The following SV2C variants were observed in gnomAD, a reference collection of about 807,000 sequenced individuals.
The protein encoded by SV2C is synaptic vesicle glycoprotein 2C.
A neutral mutation model predicts 79.7 loss-of-function variants in SV2C; 49 were observed. The observed-to-expected ratio is 0.61, with a 90% CI of 0.49 to 0.78. SV2C has a LOEUF of 0.78. Ranked by LOEUF, SV2C falls within the 30% of genes least tolerant of loss-of-function variation. The probability of loss-of-function intolerance (pLI) is 0.00; values close to 1 mark genes in which losing one functional copy is unlikely to be tolerated. For missense variants in SV2C, 833 were observed against 912.9 expected (o/e 0.91, Z 1.13); for synonymous variants, 334 against 333.2 (o/e 1.00, Z -0.03).
chr5:75,925,009 GTTAT>G, the SV2C span, among the ~76,000 whole-genome samples: 2 of 152,066 alleles, frequency 1.3e-5, no homozygotes, highest in Non-Finnish European at 2.9e-5. Flanking sequence ...AAAAGTTATG[GTTAT>G]TTAATATGAG....
exon 13 of SV2C, chr5:76,353,704 T>C (rs1195595096): frequency 1.3e-5 from 2 of 152,244 alleles, no homozygotes; most frequent in Non-Finnish European, 2.9e-5. Flanking sequence ...GCCCCTCCTC[T>C]GAAATGCTCT....
chr5:76,100,202 A>G (rs1186447720), intron 1 of SV2C, among the ~76,000 whole-genome samples: 1 of 152,188 alleles, frequency 6.6e-6, no homozygotes, highest in African/African-American at 2.4e-5. Flanking sequence ...CAGTTTGGCG[A>G]CTTATTTGCT....
intron 4 of SV2C, among the ~76,000 whole-genome samples, chr5:76,243,130 A>G (rs1266804549): frequency 9.9e-5 from 15 of 151,288 alleles, no homozygotes; most frequent in Admixed American, 9.9e-4. Context: ...CCATGTAAAG[A>G]GGTTGGTGAG....
At chr5:76,306,080 A>G (rs1401295502) in intron 12 of SV2C, among the ~76,000 whole-genome samples, 2 of 152,100 alleles carry the variant, frequency 1.3e-5, no homozygotes, top group South Asian at 4.1e-4. Context: ...CAGAGCTACA[A>G]TCTGTAACCA....
chr5:76,036,115 T>C, the SV2C span, among the ~76,000 whole-genome samples: 354 of 151,818 alleles, frequency 2.3e-3, 3 homozygotes, highest in African/African-American at 8.2e-3. Flanking sequence ...TCCTCCATCC[T>C]TTTATTTTGA....
At chr5:76,143,449 C>A (rs1749324491) in intron 2 of SV2C, among the ~76,000 whole-genome samples, 1 of 152,154 alleles carries the variant, frequency 6.6e-6, no homozygotes, top group South Asian at 2.1e-4. Context: ...CAGGTCTGTG[C>A]TGTGTGACAC....
At chr5:76,307,423 C>T (rs1748233771) in intron 12 of SV2C, among the ~76,000 whole-genome samples, 1 of 152,086 alleles carries the variant, frequency 6.6e-6, no homozygotes, top group Non-Finnish European at 1.5e-5. Flanking sequence ...TTATTATGCT[C>T]ATTTGGGTTG....
At chr5:76,312,306 G>A (rs1748472440) in intron 12 of SV2C, among the ~76,000 whole-genome samples, 3 of 151,840 alleles carry the variant, frequency 2.0e-5, no homozygotes, top group Admixed American at 1.3e-4. Flanking sequence ...AGGCTGGAGT[G>A]CAGTGACGCA....
intron 4 of SV2C, chr5:76,242,341 C>G: frequency 7.1e-7 from 1 of 1,411,536 alleles, no homozygotes; most frequent in East Asian, 2.5e-5. Context: ...GGACGCGGGA[C>G]GCAGCGGCGC....
At chr5:76,197,819 T>C (rs1443887523) in intron 3 of SV2C, among the ~76,000 whole-genome samples, 2 of 152,006 alleles carry the variant, frequency 1.3e-5, no homozygotes, top group Non-Finnish European at 2.9e-5. Flanking sequence ...AAGCTGGAAA[T>C]GCTGGGATGC....
At chr5:76,341,113 T>C (rs1329787594) in intron 12 of SV2C, among the ~76,000 whole-genome samples, 3 of 152,062 alleles carry the variant, frequency 2.0e-5, no homozygotes, top group Non-Finnish European at 4.4e-5. Context: ...ATATTTTTAG[T>C]ACAGACGGGT....
At chr5:76,127,948 C>T (rs758985000) in intron 1 of SV2C, among the ~76,000 whole-genome samples, 1 of 152,186 alleles carries the variant, frequency 6.6e-6, no homozygotes, top group Non-Finnish European at 1.5e-5. Flanking sequence ...CTCCCTTACT[C>T]TTTAATAAAT....
chr5:76,131,026 G>A (rs1748871732), intron 1 of SV2C, among the ~76,000 whole-genome samples: 1 of 152,168 alleles, frequency 6.6e-6, no homozygotes, highest in Admixed American at 6.5e-5. Flanking sequence ...CAATCCTGTG[G>A]ATATGACACT....
chr5:76,112,475 C>T (rs1329538901), intron 1 of SV2C, among the ~76,000 whole-genome samples: 1 of 152,098 alleles, frequency 6.6e-6, no homozygotes, highest in Non-Finnish European at 1.5e-5. Flanking sequence ...AGGAGGCAGG[C>T]GAGGCCTTGT....
At chr5:75,949,200 A>T in the SV2C span, among the ~76,000 whole-genome samples, 26 of 152,118 alleles carry the variant, frequency 1.7e-4, no homozygotes, top group African/African-American at 6.3e-4. Context: ...CCATAAGCCA[A>T]GCAGATGCCA....
At chr5:76,071,897 TA>T in the SV2C span, among the ~76,000 whole-genome samples, 1 of 152,118 alleles carries the variant, frequency 6.6e-6, no homozygotes, top group African/African-American at 2.4e-5. Flanking sequence ...AGTAGAATGT[TA>T]AAAAGAAATT....
chr5:75,904,366 C>CA, the SV2C span, among the ~76,000 whole-genome samples: 37 of 128,892 alleles, frequency 2.9e-4, no homozygotes, highest in Admixed American at 1.7e-3. Flanking sequence ...CCACAGTCCT[C>CA]AAAAAAACAA....
At chr5:76,252,418 A>T (rs998677501) in intron 4 of SV2C, among the ~76,000 whole-genome samples, 1 of 152,210 alleles carries the variant, frequency 6.6e-6, no homozygotes, top group Non-Finnish European at 1.5e-5. Flanking sequence ...CACCGCTCCC[A>T]GCCGCAGTGA....
At chr5:76,243,012 T>TAAAAAAAA (rs559052290) in intron 4 of SV2C, among the ~76,000 whole-genome samples, 734 of 49,904 alleles carry the variant, frequency 0.015, 14 homozygotes, top group Non-Finnish European at 0.021. Flanking sequence ...AGACCCCATC[T>TAAAAAAAA]AAAAAAAAAA....
Sources: allele counts gnomAD v4.1 joint callset (sites outside exome capture counted in the v4.1 genomes callset), GRCh38; gene constraint gnomAD v4.1.1; transcripts MANE v1.5; gene names NCBI Gene and HGNC (gene_info 2026-07-23, HGNC 2026-07-21).